Variants in DLGAP1 observed in about 807,000 individuals in gnomAD.
The protein encoded by DLGAP1 is DLG associated protein 1, also known as disks large-associated protein 1.
In DLGAP1, 11 loss-of-function variants were observed where a neutral mutation model predicts 90.8. The ratio of observed to expected loss-of-function variants is 0.12; its 90% CI spans 0.08 to 0.20. The LOEUF (loss-of-function observed/expected upper bound fraction) is 0.20. Ranked by LOEUF, DLGAP1 falls within the 10% of genes least tolerant of loss-of-function variation. The pLI is 1.00. For synonymous variants in DLGAP1, 558 were observed against 540.7 expected, an observed-to-expected ratio of 1.03 and a Z score of -0.44; for missense variants, 1,050 against 1,333.8, an observed-to-expected ratio of 0.79 and a Z score of 3.31.
chr18:3,976,811 G>A lies in DLGAP1; in HGVS notation c.-73+28305C>T, dbSNP rs185280226. 3.3e-3 allele frequency among the ~76,000 whole-genome samples: 499 copies of A among 152,166 alleles called. 1 individual carries two copies. The highest frequency in any genetic ancestry group is 6.8e-3 in the Middle Eastern group (2 of 294). Reference sequence around the variant, plus strand: ...CAAAAACTCTGTATTAAATTATAACGTTATCAGCAAGTTATAAAGGTACTA... The same window carrying A: ...CAAAAACTCTGTATTAAATTATAACATTATCAGCAAGTTATAAAGGTACTA... On this transcript the variant is annotated intron_variant, in intron 3 of 12. Coordinates refer to ENST00000315677, the MANE Select transcript of DLGAP1 (RefSeq NM_004746.4).
intron 3 of DLGAP1, among the ~76,000 whole-genome samples, chr18:3,943,630 G>T (rs1056437075): frequency 6.6e-6 from 1 of 152,054 alleles, no homozygotes; most frequent in Non-Finnish European, 1.5e-5. Flanking sequence ...GCATGAAAAA[G>T]AAACCCAAAT....
intron 7 of DLGAP1, among the ~76,000 whole-genome samples, chr18:3,723,565 G>C (rs9944686): frequency 2.0e-5 from 3 of 147,552 alleles, no homozygotes; most frequent in Non-Finnish European, 4.4e-5. Context: ...GGTTTGTGTG[G>C]GGGGGGAGTG....
intron 8 of DLGAP1, among the ~76,000 whole-genome samples, chr18:3,570,479 A>C (rs1321053729): frequency 1.3e-5 from 2 of 151,770 alleles, no homozygotes; most frequent in African/African-American, 2.4e-5. Context: ...GGATTTCACT[A>C]CATTGGCCAG....
chr18:3,710,395 G>T (rs1206612940), intron 7 of DLGAP1, among the ~76,000 whole-genome samples: 1 of 152,168 alleles, frequency 6.6e-6, no homozygotes, highest in Non-Finnish European at 1.5e-5. Flanking sequence ...TCTGCAGAGG[G>T]ACATGAATTT....
intron 3 of DLGAP1, among the ~76,000 whole-genome samples, chr18:3,984,848 C>A (rs1019066941): frequency 6.6e-6 from 1 of 152,080 alleles, no homozygotes; most frequent in African/African-American, 2.4e-5. Context: ...CAGAGCTCAG[C>A]CGGTTCTGAA....
intron 3 of DLGAP1, among the ~76,000 whole-genome samples, chr18:3,970,259 A>G (rs1488197610): frequency 6.6e-6 from 1 of 152,200 alleles, no homozygotes; most frequent in African/African-American, 2.4e-5. Flanking sequence ...TTTAAATCTC[A>G]TAGAGAATAA....
chr18:3,993,122 C>T (rs1198711695), intron 3 of DLGAP1: 1 of 150,662 alleles, frequency 6.6e-6, no homozygotes, highest in Non-Finnish European at 1.5e-5. Context: ...AGAAGACAAG[C>T]AGATGAGGAG....
At chr18:3,965,602 T>G (rs1175285267) in intron 3 of DLGAP1, among the ~76,000 whole-genome samples, 1 of 150,852 alleles carries the variant, frequency 6.6e-6, no homozygotes, top group Admixed American at 6.6e-5. Context: ...GTTCCTCCAC[T>G]CAACAAACAT....
intron 2 of DLGAP1, among the ~76,000 whole-genome samples, chr18:4,132,716 AG>A (rs1409850728): frequency 1.3e-5 from 2 of 152,190 alleles, no homozygotes; most frequent in Non-Finnish European, 2.9e-5. Context: ...TCTACTCTAA[AG>A]TATCGTATTC....
At chr18:3,877,349 A>G (rs1032598122) in intron 4 of DLGAP1, among the ~76,000 whole-genome samples, 2 of 152,232 alleles carry the variant, frequency 1.3e-5, no homozygotes, top group African/African-American at 4.8e-5. Context: ...AAAACATTTC[A>G]TTACTAACAA....
intron 1 of DLGAP1, among the ~76,000 whole-genome samples, chr18:4,405,270 C>T (rs893809603): frequency 6.6e-6 from 1 of 152,128 alleles, no homozygotes; most frequent in East Asian, 1.9e-4. Context: ...CAGAGGGCAA[C>T]GTGGTGGTCC....
intron 7 of DLGAP1, among the ~76,000 whole-genome samples, chr18:3,701,493 A>G (rs1220272935): frequency 6.6e-6 from 1 of 152,244 alleles, no homozygotes; most frequent in Admixed American, 6.5e-5. Flanking sequence ...AAGCCGGGCA[A>G]AGCAGAAGGA....
intron 1 of DLGAP1, among the ~76,000 whole-genome samples, chr18:4,347,148 C>T (rs966262827): frequency 6.6e-6 from 1 of 151,874 alleles, no homozygotes; most frequent in East Asian, 1.9e-4. Flanking sequence ...AAATTGACTC[C>T]ATTAATGGAG....
chr18:3,535,105 T>A (rs2052275942), intron 9 of DLGAP1, among the ~76,000 whole-genome samples: 1 of 145,256 alleles, frequency 6.9e-6, no homozygotes. Context: ...TGTGTGTGTG[T>A]GTGTGTGTTG....
Position 3,499,102 on chromosome 18 carries a change from G to C in DLGAP1, c.*83C>G, listed in dbSNP as rs1273697733. On this transcript the variant is annotated 3_prime_UTR_variant, in exon 13 of 13. Coordinates refer to ENST00000315677, the MANE Select transcript of DLGAP1 (RefSeq NM_004746.4). The surrounding 1 kb of genome is among the most constrained non-coding windows in gnomAD (Gnocchi z 6.4). ...ACCGAGCTCGGGAGCGGACGGGCTC[G>C]GAGGGGGAGAGGCAGCCGGCAGAGG... 5 of 1,294,140 alleles carry C rather than the reference G, an allele frequency of 3.9e-6. No homozygotes were observed. In the South Asian group the frequency reaches 6.1e-5, roughly 16 times the overall value. The allele number at this position is 1,294,140 out of a possible 1,614,324, so 80.2% of individuals were successfully genotyped here.
chr18:3,833,484 C>T (rs1195345420), intron 4 of DLGAP1, among the ~76,000 whole-genome samples: 1 of 152,168 alleles, frequency 6.6e-6, no homozygotes, highest in Admixed American at 6.5e-5. Flanking sequence ...ATCTGCCCGC[C>T]TCAGCCTCCC....
chr18:3,623,038 C>G (rs545528494), intron 7 of DLGAP1, among the ~76,000 whole-genome samples: 1 of 152,168 alleles, frequency 6.6e-6, no homozygotes, highest in South Asian at 2.1e-4. Context: ...CTCCTGACCT[C>G]AAATGATCCG....
chr18:3,769,864 G>A (rs2064438838), intron 5 of DLGAP1, among the ~76,000 whole-genome samples: 2 of 151,664 alleles, frequency 1.3e-5, no homozygotes, highest in Admixed American at 1.3e-4. Context: ...GGGAAAACTG[G>A]GTATAAGGTG....
At chr18:4,318,168 A>T (rs2080581249) in intron 1 of DLGAP1, among the ~76,000 whole-genome samples, 1 of 152,220 alleles carries the variant, frequency 6.6e-6, no homozygotes, top group African/African-American at 2.4e-5. Flanking sequence ...AAGTGATATT[A>T]AAAAAGAAAG....
Sources: gnomAD v4.1 joint callset for allele counts (sites outside exome capture counted in the v4.1 genomes callset) on GRCh38, gnomAD v4.1.1 for gene constraint, Gnocchi (gnomAD v3.1) non-coding constraint, MANE v1.5 for transcripts, NCBI Gene and HGNC (gene_info 2026-07-23, HGNC 2026-07-21) for gene names.